The following IRAG1 variants were observed in gnomAD, a reference collection of about 807,000 sequenced individuals.
The protein encoded by IRAG1 is inositol 1,4,5-triphosphate receptor associated 1.
IRAG1 carries 62 observed loss-of-function variants against 106.2 expected under a neutral mutation model. The ratio of observed to expected loss-of-function variants is 0.58; its 90% CI spans 0.48 to 0.72. IRAG1 has a LOEUF of 0.72. IRAG1 is among the 30% of genes least tolerant of loss of function. IRAG1 has a pLI of 0.00. For missense variants in IRAG1, 1,064 were observed against 1,140.7 expected, an observed-to-expected ratio of 0.93 and a Z score of 0.97; for synonymous variants, 462 against 443.9, an observed-to-expected ratio of 1.04 and a Z score of -0.51.
intron 12 of IRAG1, among the ~76,000 whole-genome samples, 199 bp downstream of exon 12, chr11:10,606,543 C>G (rs762678437): frequency 2.0e-4 from 31 of 152,174 alleles, no homozygotes; most frequent in Non-Finnish European, 3.8e-4. Flanking sequence ...CCAAATTTGT[C>G]AAAATCTTCC....
At chr11:10,607,678 TCTCAGGAAACACAGCTTC>T (rs1854591443) in intron 11 of IRAG1, among the ~76,000 whole-genome samples, 1 of 152,038 alleles carries the variant, frequency 6.6e-6, no homozygotes, top group Non-Finnish European at 1.5e-5. Context: ...TCAATAAGCT[TCTCAGGAAACACAGCTTC>T]CTCTCTTGAA....
intron 10 of IRAG1, among the ~76,000 whole-genome samples, chr11:10,623,268 G>A (rs962346676): frequency 1.3e-5 from 2 of 152,222 alleles, no homozygotes; most frequent in African/African-American, 2.4e-5. Context: ...AGTGCAGAGA[G>A]GGAGGCAGTG....
At chr11:10,676,666 G>A (rs1320961721) in intron 1 of IRAG1, among the ~76,000 whole-genome samples, 1 of 152,218 alleles carries the variant, frequency 6.6e-6, no homozygotes, top group East Asian at 1.9e-4. Flanking sequence ...GGTCACCTGA[G>A]AATACATCTA....
intron 1 of IRAG1, chr11:10,652,523 AGCACC>A: frequency 2.7e-6 from 1 of 373,532 alleles, no homozygotes; most frequent in Non-Finnish European, 4.7e-6. Context: ...CCACTTACTG[AGCACC>A]TACTGGGTGC....
At chr11:10,692,147 A>G (rs1862103331) in intron 1 of IRAG1, among the ~76,000 whole-genome samples, 1 of 152,152 alleles carries the variant, frequency 6.6e-6, no homozygotes, top group African/African-American at 2.4e-5. Flanking sequence ...AAGCATAAAG[A>G]TAGGTGCATC....
At chr11:10,625,883 G>C (rs1432287167) in intron 9 of IRAG1, 83 bp downstream of exon 9, 3 of 1,274,196 alleles carry the variant, frequency 2.4e-6, no homozygotes, top group African/African-American at 1.5e-5. Context: ...GCCCTGGCCA[G>C]GGGCCCAGAC....
intron 1 of IRAG1, among the ~76,000 whole-genome samples, chr11:10,670,016 C>A (rs1407637807): frequency 6.6e-6 from 1 of 152,220 alleles, no homozygotes; most frequent in Non-Finnish European, 1.5e-5. Flanking sequence ...ACTGCTCAGT[C>A]TGGATCACAG....
intron 2 of IRAG1, among the ~76,000 whole-genome samples, chr11:10,642,325 T>C (rs925503924): frequency 2.0e-5 from 3 of 152,232 alleles, no homozygotes; most frequent in Admixed American, 6.5e-5. Context: ...GAATGCACAA[T>C]AGTTTTCCTA....
chr11:10,633,359 G>A (rs971535520), intron 3 of IRAG1, among the ~76,000 whole-genome samples: 15 of 152,140 alleles, frequency 9.9e-5, no homozygotes, highest in African/African-American at 2.2e-4. Context: ...ACAGGCATGA[G>A]CCACTGCGCC....
chr11:10,627,974 T>C lies in IRAG1; in HGVS notation c.704A>G (p.Gln235Arg). The C allele has an allele frequency of 6.2e-7, 1 of 1,606,478 alleles. No individual in the cohort carries two copies. Among genetic ancestry groups the C allele is most frequent in the Non-Finnish European group, 8.5e-7 (1 of 1,174,998 alleles). ...ACAGCAGGTGGGGGGTCCTGTCACC[T>C]GTGGTGGTGCTCCAGGCAGAGGGGA... ...PPSPLPGAPP[Q>R]KGDEADVSSP... The change falls in exon 7 of 21, where the codon CAG becomes CGG. Residue 235 changes from glutamine to arginine, a missense_variant and splice_region_variant. Gln to Arg is a conservative substitution (Grantham distance 43). Transcript: ENST00000423302.
intron 1 of IRAG1, among the ~76,000 whole-genome samples, chr11:10,661,688 C>T: frequency 6.6e-6 from 1 of 152,166 alleles, no homozygotes. Context: ...ACATTTCCTT[C>T]TCCTCTGACT....
chr11:10,642,936 ATGGCC>A (rs1451666844), intron 2 of IRAG1, among the ~76,000 whole-genome samples: 2 of 151,966 alleles, frequency 1.3e-5, no homozygotes, highest in Non-Finnish European at 2.9e-5. Context: ...AGGCCGAGGC[ATGGCC>A]TCGGTGGATC....
intron 1 of IRAG1, among the ~76,000 whole-genome samples, chr11:10,663,998 G>A (rs746951775): frequency 2.0e-5 from 3 of 152,198 alleles, no homozygotes; most frequent in Non-Finnish European, 4.4e-5. Flanking sequence ...CTCTTCCTTA[G>A]AGAGAGCTTA....
intron 2 of IRAG1, among the ~76,000 whole-genome samples, chr11:10,644,408 CTTAA>C (rs1275741038): frequency 6.6e-6 from 1 of 152,046 alleles, no homozygotes; most frequent in African/African-American, 2.4e-5. Flanking sequence ...TATTGAAGGC[CTTAA>C]TTGAGGCTGT....
intron 1 of IRAG1, among the ~76,000 whole-genome samples, chr11:10,670,274 A>C (rs1316167169): frequency 6.6e-6 from 1 of 152,230 alleles, no homozygotes; most frequent in Non-Finnish European, 1.5e-5. Flanking sequence ...AGGATCTGGA[A>C]GTACTTTAAA....
chr11:10,612,116 T>G (rs1165986606), intron 10 of IRAG1, among the ~76,000 whole-genome samples: 1 of 152,174 alleles, frequency 6.6e-6, no homozygotes, highest in Non-Finnish European at 1.5e-5. Flanking sequence ...ACCACCATGT[T>G]CTCCCCCGAC....
chr11:10,683,975 C>T (rs527633425), intron 1 of IRAG1, among the ~76,000 whole-genome samples: 21 of 150,824 alleles, frequency 1.4e-4, no homozygotes, highest in African/African-American at 2.0e-4. Flanking sequence ...TATAAAGTAA[C>T]GCATTAGTAC....
At chr11:10,692,219 T>G (rs1862114520) in intron 1 of IRAG1, among the ~76,000 whole-genome samples, 1 of 138,802 alleles carries the variant, frequency 7.2e-6, no homozygotes, top group African/African-American at 2.7e-5. Context: ...ATACACGCAC[T>G]ATGGAATCAT....
intron 1 of IRAG1, among the ~76,000 whole-genome samples, chr11:10,679,068 G>A (rs141153570): frequency 2.6e-5 from 4 of 152,284 alleles, no homozygotes; most frequent in Non-Finnish European, 5.9e-5. Flanking sequence ...GAGGCACAAT[G>A]CCCTTCAGCC....
Sources: gnomAD v4.1 joint callset for allele counts (sites outside exome capture counted in the v4.1 genomes callset) on GRCh38, gnomAD v4.1.1 for gene constraint, MANE v1.5 for transcripts, NCBI Gene and HGNC (gene_info 2026-07-23, HGNC 2026-07-21) for gene names.